CDH6: variants seen among roughly 807,000 people sequenced by gnomAD.
CDH6 encodes the protein cadherin-6.
Under a neutral mutation model 78.0 loss-of-function variants are expected in CDH6, and 31 were observed. That is an observed-to-expected ratio of 0.40 (90% CI 0.30 to 0.54). The LOEUF (loss-of-function observed/expected upper bound fraction) is 0.54. Ranked by LOEUF, CDH6 falls within the 20% of genes least tolerant of loss-of-function variation. CDH6 has a pLI of 0.56. For synonymous variants in CDH6, 376 were observed against 368.8 expected, an observed-to-expected ratio of 1.02 and a Z score of -0.23; for missense variants, 724 against 975.9, an observed-to-expected ratio of 0.74 and a Z score of 3.44.
intron 2 of CDH6, among the ~76,000 whole-genome samples, chr5:31,270,018 C>G (rs1466962962): frequency 6.6e-6 from 1 of 152,026 alleles, no homozygotes; most frequent in African/African-American, 2.4e-5. Context: ...ATGATATAAA[C>G]AGATGAAACA....
intron 1 of CDH6, among the ~76,000 whole-genome samples, chr5:31,235,202 A>G (rs1413483841): frequency 1.3e-5 from 2 of 148,700 alleles, no homozygotes; most frequent in Non-Finnish European, 3.0e-5. Context: ...TATTTTTATG[A>G]TACCATATAA....
intron 1 of CDH6, among the ~76,000 whole-genome samples, chr5:31,261,646 G>A (rs59653720): frequency 4.6e-5 from 7 of 152,070 alleles, no homozygotes; most frequent in South Asian, 2.1e-4. Flanking sequence ...TTAAGGCTCC[G>A]CATACTAAAG....
chr5:31,271,031 A>T (rs1742516515), intron 2 of CDH6, among the ~76,000 whole-genome samples: 1 of 152,172 alleles, frequency 6.6e-6, no homozygotes, highest in Admixed American at 6.5e-5. Flanking sequence ...AATAAAAATC[A>T]CTCAGAGCTT....
At chr5:31,310,191 A>T (rs2149956100) in intron 7 of CDH6, among the ~76,000 whole-genome samples, 1 of 152,352 alleles carries the variant, frequency 6.6e-6, no homozygotes, top group East Asian at 1.9e-4. Context: ...GTATTGGGTA[A>T]ATGTTTCCAC....
chr5:31,291,077 T>C (rs1309005502), intron 2 of CDH6, among the ~76,000 whole-genome samples: 2 of 152,168 alleles, frequency 1.3e-5, no homozygotes, highest in East Asian at 1.9e-4. Flanking sequence ...AATTCACCTA[T>C]TAAGTGTGCA....
chr5:31,300,773 AG>A (rs1737745108), intron 5 of CDH6, among the ~76,000 whole-genome samples: 1 of 152,110 alleles, frequency 6.6e-6, no homozygotes, highest in African/African-American at 2.4e-5. Flanking sequence ...AAGGCAAGGG[AG>A]GGAGAAGTTA....
chr5:31,259,698 C>T (rs1275881974), intron 1 of CDH6, among the ~76,000 whole-genome samples: 1 of 152,192 alleles, frequency 6.6e-6, no homozygotes, highest in African/African-American at 2.4e-5. Context: ...TATAAAAATG[C>T]TTTCTCTTCT....
intron 5 of CDH6, among the ~76,000 whole-genome samples, chr5:31,300,684 C>T (rs1024313979): frequency 5.3e-5 from 8 of 152,134 alleles, no homozygotes; most frequent in Admixed American, 1.3e-4. Context: ...AGGATTCCCC[C>T]GCACCCTGGT....
chr5:31,282,000 C>T (rs543009890), intron 2 of CDH6, among the ~76,000 whole-genome samples: 1 of 152,262 alleles, frequency 6.6e-6, no homozygotes, highest in East Asian at 1.9e-4. Flanking sequence ...ACCATTTTTG[C>T]AGTACCTGAT....
At chr5:31,199,677 G>A (rs1429839099) in intron 1 of CDH6, among the ~76,000 whole-genome samples, 6 of 72,390 alleles carry the variant, frequency 8.3e-5, no homozygotes, top group East Asian at 4.5e-4. Flanking sequence ...GTATGTGTGT[G>A]TGTGTGTGTA....
chr5:31,199,124 C>T (rs1740249186), intron 1 of CDH6, among the ~76,000 whole-genome samples: 1 of 151,954 alleles, frequency 6.6e-6, no homozygotes, highest in South Asian at 2.1e-4. Context: ...TTCTACTTGT[C>T]ACCCATTTGG....
chr5:31,252,454 A>G (rs1246596446), intron 1 of CDH6, among the ~76,000 whole-genome samples: 1 of 152,150 alleles, frequency 6.6e-6, no homozygotes, highest in South Asian at 2.1e-4. Context: ...TGCTAATCAA[A>G]TAATCCAGTC....
At chr5:31,199,438 AT>A in intron 1 of CDH6, among the ~76,000 whole-genome samples, 1 of 3,788 alleles carries the variant, frequency 2.6e-4, no homozygotes, top group African/African-American at 3.8e-4. Context: ...ACATATGTGT[AT>A]ATATACACAC....
At chr5:31,231,509 A>C (rs1741309315) in intron 1 of CDH6, among the ~76,000 whole-genome samples, 1 of 152,222 alleles carries the variant, frequency 6.6e-6, no homozygotes. Context: ...ATTTATTTCT[A>C]CAATTTGGAG....
intron 4 of CDH6, among the ~76,000 whole-genome samples, chr5:31,299,201 A>G (rs879702093): frequency 6.6e-6 from 1 of 152,224 alleles, no homozygotes; most frequent in Non-Finnish European, 1.5e-5. Flanking sequence ...TATAACCCTT[A>G]ATAGTCTATA....
At chr5:31,199,363 T>C (rs980337508) in intron 1 of CDH6, among the ~76,000 whole-genome samples, 3 of 150,358 alleles carry the variant, frequency 2.0e-5, no homozygotes, top group East Asian at 1.9e-4. Flanking sequence ...ATATATGATG[T>C]ATATATATGA....
At chr5:31,310,093 G>T in intron 7 of CDH6, among the ~76,000 whole-genome samples, 1 of 152,178 alleles carries the variant, frequency 6.6e-6, no homozygotes, top group East Asian at 1.9e-4. Flanking sequence ...CAAGTCCAAA[G>T]TTTCATCCAA....
intron 1 of CDH6, among the ~76,000 whole-genome samples, chr5:31,207,000 A>G (rs541891603): frequency 6.6e-6 from 1 of 152,270 alleles, no homozygotes; most frequent in South Asian, 2.1e-4. Flanking sequence ...TTTGCCACAA[A>G]GCACAAAGCC....
chr5:31,211,806 T>C (rs1238067815), intron 1 of CDH6, among the ~76,000 whole-genome samples: 1 of 152,214 alleles, frequency 6.6e-6, no homozygotes, highest in Non-Finnish European at 1.5e-5. Flanking sequence ...ACGGTGTGAG[T>C]TCACCTCTCT....
Sources: allele counts gnomAD v4.1 joint callset (sites outside exome capture counted in the v4.1 genomes callset), GRCh38; gene constraint gnomAD v4.1.1; transcripts MANE v1.5; gene names NCBI Gene and HGNC (gene_info 2026-07-23, HGNC 2026-07-21).